RET: variants seen among roughly 807,000 people sequenced by gnomAD.
The protein encoded by RET is ret proto-oncogene, also known as proto-oncogene tyrosine-protein kinase receptor Ret.
RET carries 19 observed loss-of-function variants against 118.3 expected under a neutral mutation model. The ratio of observed to expected loss-of-function variants is 0.16; its 90% CI spans 0.11 to 0.24. RET has a LOEUF of 0.24. Among genes scored for constraint, RET ranks in the 10% least tolerant of loss-of-function variants. The pLI, the probability that RET is intolerant of heterozygous loss-of-function variation, is 1.00. For synonymous variants in RET, 597 were observed against 644.1 expected, an observed-to-expected ratio of 0.93 and a Z score of 1.11; for missense variants, 1,219 against 1,502.1, an observed-to-expected ratio of 0.81 and a Z score of 3.12.
intron 9 of RET, 106 bp from the exon 10 acceptor site, chr10:43,113,450 G>A (rs1837987763): frequency 7.4e-7 from 1 of 1,351,128 alleles, no homozygotes. Context: ...GCCTATGCTT[G>A]CGACACCAGT....
intron 1 of RET, among the ~76,000 whole-genome samples, chr10:43,096,742 T>C (rs1290708274): frequency 1.3e-5 from 2 of 152,194 alleles, no homozygotes; most frequent in South Asian, 2.1e-4. Flanking sequence ...GCTGCATCAT[T>C]TGTGGGCCCC....
intron 11 of RET, among the ~76,000 whole-genome samples, chr10:43,116,223 A>G (rs1838066484): frequency 6.6e-6 from 1 of 152,180 alleles, no homozygotes; most frequent in Non-Finnish European, 1.5e-5. Context: ...AGGGGTGGCT[A>G]TGTAGAGAAG....
chr10:43,090,746 G>A (rs751930060), intron 1 of RET, among the ~76,000 whole-genome samples: 6 of 151,172 alleles, frequency 4.0e-5, no homozygotes, highest in South Asian at 2.2e-4. Context: ...GCACCCAGGC[G>A]CATGCAGCAG....
chr10:43,113,784 C>G (rs960718093), intron 10 of RET, 109 bp downstream of exon 10: 1 of 1,483,262 alleles, frequency 6.7e-7, no homozygotes, highest in African/African-American at 1.4e-5. Context: ...CGAGTGGGCC[C>G]CATGAAACTT....
chr10:43,077,356 C>T (rs1465212921), intron 1 of RET, 25 bp downstream of exon 1: 2 of 1,503,638 alleles, frequency 1.3e-6, no homozygotes, highest in South Asian at 1.2e-5. Flanking sequence ...CCGCCGGCTC[C>T]CGCAGGGGCC....
Position 43,102,435 on chromosome 10 carries a change from G to A in RET, c.431G>A (p.Arg144His), listed in dbSNP as rs551142665. The A allele has an allele frequency of 3.0e-5, 49 of 1,614,198 alleles. No individual in the cohort carries two copies. Among genetic ancestry groups the A allele is most frequent in the South Asian group, 2.1e-4 (19 of 91,088 alleles). ...GAGTGCCAGTGGCCAGGCTGTGCCC[G>A]CGTATACTTCTCCTTCTTCAACACC... ...EGECQWPGCA[R>H]VYFSFFNTSF... The change falls in exon 3 of 20, where the codon CGC (arginine) becomes CAC (histidine). Residue 144 changes from arginine (R) to histidine (H), a missense_variant. Around this residue, in one of 5 missense-constraint regions of RET, gnomAD observed 84 missense variants for 163.6 expected, o/e 0.51. Transcript: ENST00000355710.
At chr10:43,101,310 C>T (rs982143858) in intron 2 of RET, among the ~76,000 whole-genome samples, 1 of 152,240 alleles carries the variant, frequency 6.6e-6, no homozygotes, top group Non-Finnish European at 1.5e-5. Flanking sequence ...GCTCCCATCC[C>T]TAGCACCCCT....
intron 16 of RET, among the ~76,000 whole-genome samples, chr10:43,123,398 CAT>C (rs1200061592): frequency 6.6e-6 from 1 of 152,330 alleles, no homozygotes; most frequent in African/African-American, 2.4e-5. Context: ...TCTTAAGCCT[CAT>C]GTGTCCCTTG....
rs1182986034 is a variant in RET at position 43,106,910 on chromosome 10, C to T, written c.1063+339C>T. On this transcript the variant is annotated intron_variant, in intron 5 of 19. Transcript: ENST00000355710. The surrounding 1 kb of genome is among the most constrained non-coding windows in gnomAD (Gnocchi z 5.1). ...TTTCCTCCAGCCCCTGGCACTCCAT[C>T]GTTGCCCCTAAGGCGTCCCAAGTGC... Among the ~76,000 whole-genome samples, 1 of 152,288 alleles carries T rather than the reference C, an allele frequency of 6.6e-6. No homozygotes were observed. Among genetic ancestry groups the T allele is most frequent in the Middle Eastern group, 3.4e-3 (1 of 294 alleles).
chr10:43,116,175 C>T (rs916000036), intron 11 of RET, among the ~76,000 whole-genome samples: 8 of 152,244 alleles, frequency 5.3e-5, no homozygotes, highest in Admixed American at 1.3e-4. Flanking sequence ...GCAGTGCTTC[C>T]ACACTCTGAG....
intron 11 of RET, among the ~76,000 whole-genome samples, chr10:43,115,573 A>C (rs1317392859): frequency 6.6e-6 from 1 of 152,208 alleles, no homozygotes; most frequent in African/African-American, 2.4e-5. Flanking sequence ...GCAGGGCTCT[A>C]GGATGAGCCA....
rs375390467 is a variant in RET at position 43,100,693 on chromosome 10, A to G, written c.308A>G (p.His103Arg). The change falls in exon 2 of 20, where the codon CAT (histidine) becomes CGT (arginine). Residue 103 changes from histidine to arginine, a missense_variant. By Grantham distance (29) the His-to-Arg change is conservative. This residue lies in a region of RET where 84 missense variants were observed against 163.6 expected (regional missense o/e 0.51). Transcript: ENST00000355710. ...CTCTACCTTAACCGGAGCCTGGACC[A>G]TAGCTCCTGGGAGAAGCTCAGTGTC... ...GLLYLNRSLDHSSWEKLSVRN... is the reference protein window; with the variant it reads ...GLLYLNRSLDRSSWEKLSVRN... 1.1e-5 allele frequency: 17 copies of G among 1,607,168 alleles called. No homozygotes were observed. Among genetic ancestry groups the G allele is most frequent in the Non-Finnish European group, 1.4e-5 (17 of 1,177,062 alleles).
At chr10:43,105,583 C>G (rs1471532778) in intron 4 of RET, among the ~76,000 whole-genome samples, 1 of 152,156 alleles carries the variant, frequency 6.6e-6, no homozygotes, top group Non-Finnish European at 1.5e-5. Context: ...TGGAGAAGGA[C>G]GGGAAGGCGG....
Position 43,130,156 on chromosome 10 carries a change from C to G in RET, c.*1887C>G. On this transcript the variant is annotated 3_prime_UTR_variant, in exon 20 of 20. Transcript: ENST00000355710. ...ATAAAAGTCCCCATCCTTATTAGCT[C>G]TACTGGAATTTTCATACACGTAAAT... 1 of 397,186 alleles carries G rather than the reference C, an allele frequency of 2.5e-6. No individual in the cohort carries two copies. The highest frequency in any genetic ancestry group is 4.4e-6 in the Non-Finnish European group (1 of 225,612). The allele number at this position is 397,186 out of a possible 1,614,324, so 24.6% of individuals were successfully genotyped here.
chr10:43,127,453 A>G, intron 19 of RET: 13 of 1,047,652 alleles, frequency 1.2e-5, no homozygotes, highest in Non-Finnish European at 1.5e-5. Context: ...GACAGTAAAT[A>G]TGGTTCTTGC....
chr10:43,089,198 C>T lies in RET; in HGVS notation c.74-11261C>T, dbSNP rs187560482. ...AGAAGCGTGTGATGACTTCCCCAGC[C>T]GGCTGACCTCAGGGAGGGTGCACAT... On this transcript the variant is annotated intron_variant, in intron 1 of 19. Transcript: ENST00000355710. Among the ~76,000 whole-genome samples, 378 of 152,376 alleles carry T rather than the reference C, an allele frequency of 2.5e-3. 2 individuals carry two copies. The highest frequency in any genetic ancestry group is 7.4e-3 in the African/African-American group (309 of 41,590).
intron 2 of RET, 130 bp from the exon 3 acceptor site, chr10:43,102,212 C>A: frequency 8.5e-7 from 1 of 1,175,052 alleles, no homozygotes; most frequent in South Asian, 1.3e-5. Context: ...AGCTGGAACA[C>A]CAGTCTGAGC....
At chr10:43,086,955 C>T (rs1301768654) in intron 1 of RET, among the ~76,000 whole-genome samples, 1 of 152,254 alleles carries the variant, frequency 6.6e-6, no homozygotes, top group Non-Finnish European at 1.5e-5. Flanking sequence ...TTCTCCCAAA[C>T]CTCAGCCATG....
chr10:43,111,210 G>A lies in RET; in HGVS notation c.1267G>A (p.Gly423Arg), dbSNP rs767601598. 6 of 1,613,814 alleles carry A rather than the reference G, an allele frequency of 3.7e-6. No individual in the cohort carries two copies. Among genetic ancestry groups the A allele is most frequent in the South Asian group, 2.2e-5 (2 of 91,058 alleles). Reference protein sequence around the residue: ...SRRARRFAQIGKVCVENCQAF... With the variant: ...SRRARRFAQIRKVCVENCQAF... ...GTGTTCCCCTGTGCCCCCCTAGATC[G>A]GGAAAGTCTGTGTGGAAAACTGCCA... is the stretch of plus-strand genomic sequence containing the variant. Residue 423 changes from glycine (G) to arginine (R), a missense_variant, in exon 7 of 20, where the codon GGG (glycine) becomes AGG (arginine). By Grantham distance (125) the Gly-to-Arg change is moderately radical. Coordinates refer to ENST00000355710, the MANE Select transcript of RET (RefSeq NM_020975.6).
Sources: gnomAD v4.1 joint callset for allele counts (sites outside exome capture counted in the v4.1 genomes callset) on GRCh38, gnomAD v4.1.1 for gene constraint, gnomAD v4.1.1 regional missense constraint, Gnocchi (gnomAD v3.1) non-coding constraint, MANE v1.5 for transcripts, NCBI Gene and HGNC (gene_info 2026-07-23, HGNC 2026-07-21) for gene names.